Variants in NDUFAF1 observed in about 807,000 individuals in gnomAD.
NDUFAF1 encodes NADH:ubiquinone oxidoreductase complex assembly factor 1, also known as complex I intermediate-associated protein 30, mitochondrial.
In NDUFAF1, 18 loss-of-function variants were observed where a neutral mutation model predicts 28.7. The observed-to-expected ratio is 0.63, with a 90% confidence interval of 0.43 to 0.93. NDUFAF1 has a LOEUF of 0.93. Ranked by LOEUF, NDUFAF1 falls within the 40% of genes least tolerant of loss-of-function variation. NDUFAF1 has a pLI of 0.00. For missense variants in NDUFAF1, 404 were observed against 398.3 expected, an observed-to-expected ratio of 1.01 and a Z score of -0.12; for synonymous variants, 113 against 139.7, an observed-to-expected ratio of 0.81 and a Z score of 1.35.
chr15:41,396,423 G>GCT (rs1267694526), intron 2 of NDUFAF1, 64 bp downstream of exon 2: 5 of 1,494,944 alleles, frequency 3.3e-6, no homozygotes, highest in African/African-American at 2.8e-5. Context: ...ATCTTCTATA[G>GCT]TTTATGCTAC....
chr15:41,394,867 C>T lies in NDUFAF1; in HGVS notation c.751G>A (p.Glu251Lys), dbSNP rs948702595. The T allele has an allele frequency of 6.2e-7, 1 of 1,613,870 alleles. No homozygotes were observed. Among genetic ancestry groups the T allele is most frequent in the Admixed American group, 1.7e-5 (1 of 59,956 alleles). Residue 251 changes from glutamate (E) to lysine (K), a missense_variant, in exon 3 of 5, where the codon GAG (glutamate) becomes AAG (lysine). By Grantham distance (56) the Glu-to-Lys change is moderately conservative. Transcript: ENST00000260361. ...AAGATTTATGCTGTTACCTTGACCTCCTGCCAGTAGGGTCCCCCGCGGGTG... is the reference window on the plus strand; with the variant it reads ...AAGATTTATGCTGTTACCTTGACCTTCTGCCAGTAGGGTCCCCCGCGGGTG... Reference protein sequence around the residue: ...MFTRGGPYWQEVKIPFSKFFF... With the variant: ...MFTRGGPYWQKVKIPFSKFFF...
chr15:41,390,033 A>G (rs892709074), intron 3 of NDUFAF1, among the ~76,000 whole-genome samples: 2 of 151,970 alleles, frequency 1.3e-5, no homozygotes, highest in African/African-American at 4.8e-5. Flanking sequence ...GGGTGATCTC[A>G]GCTCACTGCA....
intron 3 of NDUFAF1, among the ~76,000 whole-genome samples, chr15:41,390,545 G>A (rs1024878423): frequency 1.3e-4 from 20 of 151,786 alleles, no homozygotes; most frequent in African/African-American, 2.9e-4. Flanking sequence ...CTAACACGGC[G>A]AAACCCCGTC....
At chr15:41,400,164 G>A (rs938443951) in intron 1 of NDUFAF1, among the ~76,000 whole-genome samples, 9 of 152,092 alleles carry the variant, frequency 5.9e-5, no homozygotes, top group African/African-American at 2.2e-4. Context: ...ACAAGGTCAG[G>A]AGTTTGAGGC....
intron 3 of NDUFAF1, among the ~76,000 whole-genome samples, chr15:41,390,241 T>C (rs1362578240): frequency 6.6e-6 from 1 of 152,124 alleles, no homozygotes; most frequent in African/African-American, 2.4e-5. Context: ...GGATTACAGA[T>C]GTGAGCCACT....
Position 41,396,748 on chromosome 15 carries a change from A to G in NDUFAF1, c.312T>C (p.His104=), listed in dbSNP as rs769063741. The G allele has an allele frequency of 2.5e-6, 4 of 1,614,114 alleles. No homozygotes were observed. The highest frequency in any genetic ancestry group is 3.4e-6 in the Non-Finnish European group (4 of 1,180,010). ...FRLLKDEIVD[H]WRGPEGHPLH... ...GAGGGTGGCCTTCCGGTCCTCTCCA[A>G]TGATCCACAATTTCATCCTTCAAAA... The change falls in exon 2 of 5, where the codon CAT becomes CAC. Residue 104 remains histidine (H), a synonymous_variant. Transcript: ENST00000260361.
intron 3 of NDUFAF1, chr15:41,394,023 T>C (rs1208237598): frequency 6.2e-6 from 1 of 160,358 alleles, no homozygotes; most frequent in East Asian, 1.7e-4. Flanking sequence ...ACACTACTTT[T>C]TTTTTTTTTT....
rs753576869 is a variant in NDUFAF1, at chr15:41,396,804, T to C, written c.256A>G (p.Ile86Val). 10 of 1,614,176 alleles carry C rather than the reference T, an allele frequency of 6.2e-6. No individual in the cohort carries two copies. The highest frequency in any genetic ancestry group is 6.8e-6 in the Non-Finnish European group (8 of 1,180,040). ...EKPDVSFDKA[I>V]RDEAIYHFRL... ...AAATGGTATATTGCTTCATCTCTAA[T>C]TGCTTTATCGAAACTAACATCAGGC... The change falls in exon 2 of 5, where the codon ATT becomes GTT. Residue 86 changes from isoleucine to valine, a missense_variant. Ile to Val is a conservative substitution (Grantham distance 29). Transcript: ENST00000260361.
intron 3 of NDUFAF1, chr15:41,394,143 C>G (rs963841440): frequency 4.6e-6 from 2 of 431,678 alleles, no homozygotes; most frequent in African/African-American, 4.1e-5. Context: ...ATTATCCTGC[C>G]TTAGCCTCCC....
chr15:41,395,652 G>T (rs1245578921), intron 2 of NDUFAF1, among the ~76,000 whole-genome samples: 2 of 142,188 alleles, frequency 1.4e-5, no homozygotes, highest in African/African-American at 2.6e-5. Context: ...TTACAGGCAT[G>T]AGCCACTGCG....
At position 41,387,398 on chromosome 15, in the gene NDUFAF1, G is replaced by C; in HGVS notation, c.*46C>G. The C allele has an allele frequency of 6.5e-7, 1 of 1,542,260 alleles. No homozygotes were observed. ...ATTTTATTTTGTCTATATCATTGTA[G>C]ATGCTAGTACCCTTAGATTAGTAAA... On this transcript the variant is annotated 3_prime_UTR_variant, in exon 5 of 5. Coordinates refer to ENST00000260361, the MANE Select transcript of NDUFAF1 (RefSeq NM_016013.4).
chr15:41,388,536 C>G lies in NDUFAF1; in HGVS notation c.760-14G>C. The G allele has an allele frequency of 6.4e-7, 1 of 1,551,446 alleles. No homozygotes were observed. Among genetic ancestry groups the G allele is most frequent in the Non-Finnish European group, 8.9e-7 (1 of 1,123,052 alleles). On this transcript the variant is annotated splice_polypyrimidine_tract_variant and intron_variant, in intron 3 of 4. Transcript: ENST00000260361. ...GGAAAAAGGAATCTGAAAGAAGAAACCATTTACTTCATAACTGAAATGTAA... is the reference window on the plus strand; with the variant it reads ...GGAAAAAGGAATCTGAAAGAAGAAAGCATTTACTTCATAACTGAAATGTAA...
chr15:41,394,365 G>A (rs2050355099), intron 3 of NDUFAF1: 2 of 1,288,726 alleles, frequency 1.6e-6, no homozygotes, highest in South Asian at 1.2e-5. Flanking sequence ...TTGCCTGGAA[G>A]ACATGAAATG....
At chr15:41,400,427 T>C (rs114972016) in intron 1 of NDUFAF1, among the ~76,000 whole-genome samples, 1,612 of 151,084 alleles carry the variant, frequency 0.011, 36 homozygotes, top group African/African-American at 0.037. Context: ...GACGAGTCTC[T>C]AACTCCTGGG....
chr15:41,388,650 C>T (rs1191513847), intron 3 of NDUFAF1, 128 bp from the exon 4 acceptor site: 4 of 681,502 alleles, frequency 5.9e-6, no homozygotes, highest in Non-Finnish European at 2.6e-6. Flanking sequence ...TGACAAATGG[C>T]TAGCCATTTG....
chr15:41,399,714 G>C (rs2140928923), intron 1 of NDUFAF1, among the ~76,000 whole-genome samples: 1 of 151,202 alleles, frequency 6.6e-6, no homozygotes, highest in South Asian at 2.1e-4. Context: ...AAATTAGCCG[G>C]GCGTAGTGGC....
At chr15:41,394,359 C>T (rs2050354964) in intron 3 of NDUFAF1, 1 of 1,288,608 alleles carries the variant, frequency 7.8e-7, no homozygotes, top group Non-Finnish European at 1.0e-6. Flanking sequence ...GCAGAGTTGC[C>T]TGGAAGACAT....
chr15:41,396,413 A>G (rs2050386656), intron 2 of NDUFAF1, 74 bp downstream of exon 2: 2 of 1,431,650 alleles, frequency 1.4e-6, no homozygotes, highest in Admixed American at 3.6e-5. Flanking sequence ...AACAAAAGCT[A>G]TCTTCTATAG....
Position 41,387,437 on chromosome 15 carries a change from A to T in NDUFAF1, c.*7T>A. On this transcript the variant is annotated 3_prime_UTR_variant, in exon 5 of 5. Transcript: ENST00000260361. ...TAGATTAGTAAAACAAAACTACCAT[A>T]TGATCTTTATTTAAAAAGCCTTGGG... 6.2e-7 allele frequency: 1 copy of T among 1,612,654 alleles called. No individual in the cohort carries two copies.
Sources: gnomAD v4.1 joint callset for allele counts (sites outside exome capture counted in the v4.1 genomes callset) on GRCh38, gnomAD v4.1.1 for gene constraint, MANE v1.5 for transcripts, NCBI Gene and HGNC (gene_info 2026-07-23, HGNC 2026-07-21) for gene names.